Variants in MYO1D observed in about 807,000 individuals in gnomAD.
The protein encoded by MYO1D is myosin ID.
In MYO1D, 83 loss-of-function variants were observed where a neutral mutation model predicts 122.0. The ratio of observed to expected loss-of-function variants is 0.68; its 90% CI spans 0.57 to 0.82. MYO1D has a LOEUF of 0.82. Among genes scored for constraint, MYO1D ranks in the 40% least tolerant of loss-of-function variants. The probability of loss-of-function intolerance (pLI) is 0.00; values close to 1 mark genes in which losing one functional copy is unlikely to be tolerated. For missense variants in MYO1D, 1,157 were observed against 1,269.5 expected, an observed-to-expected ratio of 0.91 and a Z score of 1.35; for synonymous variants, 464 against 446.9, an observed-to-expected ratio of 1.04 and a Z score of -0.48.
intron 1 of MYO1D, among the ~76,000 whole-genome samples, chr17:32,871,012 G>A (rs1479206892): frequency 6.6e-6 from 1 of 152,172 alleles, no homozygotes; most frequent in Non-Finnish European, 1.5e-5. Flanking sequence ...ATGAGAATGT[G>A]ACATTGACCT....
chr17:32,732,123 G>C (rs2089648552), intron 14 of MYO1D, among the ~76,000 whole-genome samples: 1 of 152,220 alleles, frequency 6.6e-6, no homozygotes, highest in Admixed American at 6.5e-5. Flanking sequence ...GAGCACAGCG[G>C]AAGGCCAACG....
rs921917489 is a variant in MYO1D, at chr17:32,706,992, A to C, written c.2121+4996T>G. Among the ~76,000 whole-genome samples, 22 of 152,192 alleles carry C rather than the reference A, an allele frequency of 1.4e-4. No individual in the cohort carries two copies. The East Asian group carries it at 4.0e-3, about 28-fold the overall frequency. On this transcript the variant is annotated intron_variant, in intron 16 of 21. Transcript: ENST00000318217. ...ATTACAGGTGTGAGCCACTGCGCCC[A>C]GCCTCCCAGATCCATAATTTTTTTT...
At chr17:32,764,533 A>C (rs2090035189) in intron 8 of MYO1D, among the ~76,000 whole-genome samples, 1 of 152,210 alleles carries the variant, frequency 6.6e-6, no homozygotes, top group African/African-American at 2.4e-5. Flanking sequence ...TGTACCCATA[A>C]ACATATACAA....
intron 1 of MYO1D, among the ~76,000 whole-genome samples, chr17:32,786,886 G>GA (rs1164334332): frequency 2.0e-5 from 3 of 149,898 alleles, no homozygotes; most frequent in Non-Finnish European, 4.5e-5. Flanking sequence ...CAGAAGAAAA[G>GA]AAAAAAAAAG....
rs766454452 is a variant in MYO1D at position 32,494,793 on chromosome 17, C to T, written c.2987G>A (p.Arg996His). ...GGGCACGCTGAGGATGAAGCCCGAGCGATTCTTGGTGAAGTCGGGCTGGGG... is the reference window on the plus strand; with the variant it reads ...GGGCACGCTGAGGATGAAGCCCGAGTGATTCTTGGTGAAGTCGGGCTGGGG... ...NQPQPDFTKN[R>H]SGFILSVPGN The change falls in exon 22 of 22, where the codon CGC (arginine) becomes CAC (histidine). Residue 996 changes from arginine to histidine, a missense_variant. Arg to His is a conservative substitution (Grantham distance 29, BLOSUM62 0). Coordinates refer to ENST00000318217, the MANE Select transcript of MYO1D (RefSeq NM_015194.3). 17 of 1,611,904 alleles carry T rather than the reference C, an allele frequency of 1.1e-5. No homozygotes were observed. In the Middle Eastern group the frequency reaches 4.9e-4, roughly 47 times the overall value.
chr17:32,636,938 G>A (rs549029308), intron 20 of MYO1D, among the ~76,000 whole-genome samples: 13 of 152,308 alleles, frequency 8.5e-5, no homozygotes, highest in African/African-American at 2.9e-4. Context: ...GGTGTTGACA[G>A]CATCTGCAAC....
At chr17:32,782,933 T>TTAAAAAAAAAAAAAATCC (rs1567640323) in intron 1 of MYO1D, among the ~76,000 whole-genome samples, 3 of 120,786 alleles carry the variant, frequency 2.5e-5, no homozygotes, top group African/African-American at 9.1e-5. Flanking sequence ...AGACTCCATC[T>TTAAAAAAAAAAAAAATCC]TAAAAAAAAA....
At chr17:32,551,556 C>CCACA (rs56031542) in intron 21 of MYO1D, among the ~76,000 whole-genome samples, 2,602 of 150,426 alleles carry the variant, frequency 0.017, 54 homozygotes, top group African/African-American at 0.057. Flanking sequence ...CATCCCACTG[C>CCACA]CACACACACA....
rs773205670 is a variant in MYO1D at position 32,530,874 on chromosome 17, C to T, written c.2865-35959G>A. ...TAATTGACATTGGTTTCTGTCTGCTCCCTTCTTTTAGTTCTCTGTCCTCAC... is the reference window on the plus strand; with the variant it reads ...TAATTGACATTGGTTTCTGTCTGCTTCCTTCTTTTAGTTCTCTGTCCTCAC... On this transcript the variant is annotated intron_variant, in intron 21 of 21. Transcript: ENST00000318217. Among the ~76,000 whole-genome samples the T allele has an allele frequency of 2.6e-5, 4 of 152,030 alleles. No homozygotes were observed. The South Asian group carries it at 8.3e-4, about 32-fold the overall frequency.
At chr17:32,852,433 A>G (rs2090997186) in intron 1 of MYO1D, among the ~76,000 whole-genome samples, 1 of 152,186 alleles carries the variant, frequency 6.6e-6, no homozygotes, top group East Asian at 1.9e-4. Context: ...GCCAAAATGT[A>G]AAGTTTTACA....
At chr17:32,797,777 C>T (rs377537042) in intron 1 of MYO1D, among the ~76,000 whole-genome samples, 5 of 152,118 alleles carry the variant, frequency 3.3e-5, no homozygotes, top group East Asian at 1.9e-4. Context: ...TAACGTCAAG[C>T]GCATGGATTA....
intron 1 of MYO1D, among the ~76,000 whole-genome samples, chr17:32,787,130 A>G (rs1178204412): frequency 6.6e-6 from 1 of 152,158 alleles, no homozygotes; most frequent in Non-Finnish European, 1.5e-5. Flanking sequence ...CTCAAGAAAA[A>G]AACCAGAAGA....
intron 21 of MYO1D, among the ~76,000 whole-genome samples, chr17:32,537,526 T>C (rs1288680267): frequency 2.6e-5 from 4 of 152,266 alleles, no homozygotes; most frequent in African/African-American, 7.2e-5. Flanking sequence ...GATAGAGTGA[T>C]GTCAAAGAGC....
intron 1 of MYO1D, among the ~76,000 whole-genome samples, chr17:32,805,042 G>A (rs1247083633): frequency 6.6e-6 from 1 of 152,150 alleles, no homozygotes; most frequent in Non-Finnish European, 1.5e-5. Context: ...CCTTTGGGAG[G>A]TGATTAGATT....
At chr17:32,637,236 A>G (rs2088112912) in intron 20 of MYO1D, among the ~76,000 whole-genome samples, 2 of 152,210 alleles carry the variant, frequency 1.3e-5, no homozygotes, top group African/African-American at 4.8e-5. Context: ...TTGGTTTCAC[A>G]CTTCTTTAGA....
chr17:32,805,701 G>A (rs1029761715), intron 1 of MYO1D, among the ~76,000 whole-genome samples: 1 of 152,038 alleles, frequency 6.6e-6, no homozygotes. Flanking sequence ...TTTAAAAGCT[G>A]ATGTTTACAG....
chr17:32,551,844 A>C (rs899952002), intron 21 of MYO1D, among the ~76,000 whole-genome samples: 2 of 152,168 alleles, frequency 1.3e-5, no homozygotes, highest in African/African-American at 4.8e-5. Context: ...GGTACTCAAT[A>C]AATATTTCTT....
intron 11 of MYO1D, among the ~76,000 whole-genome samples, chr17:32,749,473 G>A (rs1182585265): frequency 6.6e-6 from 1 of 152,226 alleles, no homozygotes; most frequent in African/African-American, 2.4e-5. Context: ...GCTCAGGCCT[G>A]TAATCCCAGC....
At chr17:32,558,706 T>G (rs943987809) in intron 21 of MYO1D, among the ~76,000 whole-genome samples, 1 of 152,222 alleles carries the variant, frequency 6.6e-6, no homozygotes, top group Non-Finnish European at 1.5e-5. Flanking sequence ...TTTTCTATTT[T>G]AAAATGTGCT....
Sources: gnomAD v4.1 joint callset for allele counts (sites outside exome capture counted in the v4.1 genomes callset) on GRCh38, gnomAD v4.1.1 for gene constraint, MANE v1.5 for transcripts, NCBI Gene and HGNC (gene_info 2026-07-23, HGNC 2026-07-21) for gene names.